The following EGFLAM variants were observed in gnomAD, a reference collection of about 807,000 sequenced individuals.
The protein encoded by EGFLAM is pikachurin.
In EGFLAM, 79 loss-of-function variants were observed where a neutral mutation model predicts 113.1. The ratio of observed to expected loss-of-function variants is 0.70; its 90% confidence interval spans 0.58 to 0.84. EGFLAM has a LOEUF of 0.84. EGFLAM is among the 40% of genes least tolerant of loss of function. The pLI, the probability that EGFLAM is intolerant of heterozygous loss-of-function variation, is 0.00. For missense variants in EGFLAM, 1,265 were observed against 1,291.6 expected, an observed-to-expected ratio of 0.98 and a Z score of 0.32; for synonymous variants, 504 against 487.6, an observed-to-expected ratio of 1.03 and a Z score of -0.44.
chr5:38,286,836 A>T (rs1237321571), intron 1 of EGFLAM, among the ~76,000 whole-genome samples: 1 of 152,218 alleles, frequency 6.6e-6, no homozygotes. Flanking sequence ...CGTCTATGAG[A>T]TGGTGACCAA....
Position 38,451,451 on chromosome 5 carries a change from G to T in EGFLAM, c.2680G>T (p.Val894Leu). The T allele has an allele frequency of 6.2e-7, 1 of 1,614,008 alleles. No individual in the cohort carries two copies. The highest frequency in any genetic ancestry group is 1.7e-5 in the Admixed American group (1 of 59,998). ...CTTGGGCCTTCGGGATGGAGCCCTC[G>T]TGTTCAGGTAACCCCCTCTCCATCT... Reference protein sequence around the residue: ...ISLGLRDGALVFSYNLGSGVA... With the variant: ...ISLGLRDGALLFSYNLGSGVA... The change falls in exon 19 of 22, where the codon GTG becomes TTG. Residue 894 changes from valine (V) to leucine (L), a missense_variant. Transcript: ENST00000322350.
At position 38,404,566 on chromosome 5, in the gene EGFLAM, T is replaced by C. The variant is rs572516542; in HGVS notation, c.713-1560T>C. On this transcript the variant is annotated intron_variant, in intron 6 of 21. Coordinates refer to ENST00000322350, the MANE Select transcript of EGFLAM (RefSeq NM_152403.4). ...GAGGGTGAGTTTGTCTTCCTGAGAA[T>C]GGTGCATGACTTAGCTTATTCTGAA... is the stretch of plus-strand genomic sequence containing the variant. Among the ~76,000 whole-genome samples, 19 of 152,352 alleles carry C rather than the reference T, an allele frequency of 1.2e-4. No individual in the cohort carries two copies. The East Asian group carries it at 3.7e-3, about 29-fold the overall frequency.
At chr5:38,283,429 G>T (rs1758074018) in intron 1 of EGFLAM, among the ~76,000 whole-genome samples, 1 of 152,122 alleles carries the variant, frequency 6.6e-6, no homozygotes, top group African/African-American at 2.4e-5. Context: ...TACATATAAA[G>T]GCATGCATTG....
chr5:38,270,313 T>C (rs1757737013), intron 1 of EGFLAM, among the ~76,000 whole-genome samples: 1 of 152,200 alleles, frequency 6.6e-6, no homozygotes, highest in African/African-American at 2.4e-5. Flanking sequence ...CTCTGAAGCT[T>C]TCCATCCCTC....
intron 12 of EGFLAM, 49 bp from the exon 13 acceptor site, chr5:38,424,918 G>T: frequency 6.2e-7 from 1 of 1,604,988 alleles, no homozygotes; most frequent in South Asian, 1.1e-5. Context: ...CACTGTGTTG[G>T]ACTGGCACAC....
At chr5:38,295,371 G>A (rs1758428378) in intron 1 of EGFLAM, among the ~76,000 whole-genome samples, 1 of 152,196 alleles carries the variant, frequency 6.6e-6, no homozygotes. Context: ...TCAAGACAGA[G>A]AGAGGTCGTT....
intron 5 of EGFLAM, 70 bp from the exon 6 acceptor site, chr5:38,370,226 T>C (rs1439466131): frequency 3.3e-6 from 5 of 1,521,656 alleles, no homozygotes; most frequent in African/African-American, 1.4e-5. Flanking sequence ...TTAGTTTACA[T>C]AGCCAGCTAG....
intron 1 of EGFLAM, among the ~76,000 whole-genome samples, chr5:38,298,364 C>T (rs568007201): frequency 6.6e-6 from 1 of 152,270 alleles, no homozygotes; most frequent in East Asian, 1.9e-4. Flanking sequence ...TGTAAAACAT[C>T]TCAGCTCCTT....
In EGFLAM at chr5:38,377,623, T is replaced by G. The variant is rs1740400081; in HGVS notation, c.712+7161T>G. The stretch of plus-strand genomic sequence containing the variant: ...AGACAAGATGAAAGGAAACAGTTGT[T>G]CTAGAAACCCACATAGGCCAAAAGT... On this transcript the variant is annotated intron_variant, in intron 6 of 21. Coordinates refer to ENST00000322350, the MANE Select transcript of EGFLAM (RefSeq NM_152403.4). Among the ~76,000 whole-genome samples the G allele has an allele frequency of 3.9e-5, 6 of 152,298 alleles. No individual in the cohort carries two copies. The South Asian group carries it at 1.2e-3, about 32-fold the overall frequency.
At chr5:38,392,848 G>A (rs1483144217) in intron 6 of EGFLAM, among the ~76,000 whole-genome samples, 4 of 151,936 alleles carry the variant, frequency 2.6e-5, no homozygotes, top group Admixed American at 6.6e-5. Flanking sequence ...CCTACCCCAC[G>A]ACAGGCCCCG....
At chr5:38,394,763 A>G (rs1358959615) in intron 6 of EGFLAM, among the ~76,000 whole-genome samples, 5 of 131,490 alleles carry the variant, frequency 3.8e-5, no homozygotes, top group Non-Finnish European at 6.4e-5. Context: ...TTATTTACAG[A>G]TTTACCACTT....
At chr5:38,442,038 A>G (rs893876459) in intron 17 of EGFLAM, among the ~76,000 whole-genome samples, 1 of 152,100 alleles carries the variant, frequency 6.6e-6, no homozygotes, top group African/African-American at 2.4e-5. Context: ...ATTAATACTG[A>G]CCTACCACAC....
At chr5:38,440,775 A>G (rs146932890) in intron 17 of EGFLAM, among the ~76,000 whole-genome samples, 29 of 152,326 alleles carry the variant, frequency 1.9e-4, no homozygotes, top group African/African-American at 6.7e-4. Flanking sequence ...GTCCTTTTAC[A>G]TGAAGCAAAA....
At chr5:38,265,952 T>C (rs1165674049) in intron 1 of EGFLAM, among the ~76,000 whole-genome samples, 2 of 152,204 alleles carry the variant, frequency 1.3e-5, no homozygotes, top group South Asian at 4.1e-4. Flanking sequence ...ACCCAGGTAC[T>C]CTGTGTTATG....
chr5:38,442,367 A>G (rs1742573874), intron 17 of EGFLAM, among the ~76,000 whole-genome samples: 1 of 147,756 alleles, frequency 6.8e-6, no homozygotes. Flanking sequence ...ATATTAACAT[A>G]ATATGTTAAT....
In EGFLAM at chr5:38,425,006, T is replaced by A; in HGVS notation, c.1724T>A (p.Ile575Asn). 6.2e-7 allele frequency: 1 copy of A among 1,614,048 alleles called. No homozygotes were observed. Among genetic ancestry groups the A allele is most frequent in the Non-Finnish European group, 8.5e-7 (1 of 1,179,962 alleles). The change falls in exon 13 of 22, where the codon ATC becomes AAC. Residue 575 changes from isoleucine to asparagine, a missense_variant. Coordinates refer to ENST00000322350, the MANE Select transcript of EGFLAM (RefSeq NM_152403.4). ...GGAATCTGTGATGAGGCCTCGTGCA[T>A]CCATGGTGGCACCTGCACAGCAATC... ...SSGICDEASCIHGGTCTAIKA... is the reference protein window; with the variant it reads ...SSGICDEASCNHGGTCTAIKA...
intron 1 of EGFLAM, among the ~76,000 whole-genome samples, chr5:38,278,638 A>G (rs889174473): frequency 2.0e-5 from 3 of 151,890 alleles, no homozygotes; most frequent in Admixed American, 1.3e-4. Context: ...ACAGGTGCAT[A>G]CCACCACACC....
chr5:38,421,818 G>T (rs1211030080), intron 12 of EGFLAM, among the ~76,000 whole-genome samples: 1 of 152,132 alleles, frequency 6.6e-6, no homozygotes, highest in African/African-American at 2.4e-5. Context: ...AGAAGGGAAA[G>T]AAGGACATTC....
intron 17 of EGFLAM, among the ~76,000 whole-genome samples, chr5:38,447,499 A>T (rs1006216127): frequency 6.6e-6 from 1 of 152,190 alleles, no homozygotes; most frequent in Admixed American, 6.5e-5. Context: ...TCATGCCTGT[A>T]ATTCCCAGCA....
Sources: allele counts gnomAD v4.1 joint callset (sites outside exome capture counted in the v4.1 genomes callset), GRCh38; gene constraint gnomAD v4.1.1; transcripts MANE v1.5; gene names NCBI Gene and HGNC (gene_info 2026-07-23, HGNC 2026-07-21).